The following VCAN variants were observed in gnomAD, a reference collection of about 807,000 sequenced individuals.
VCAN encodes versican core protein.
VCAN carries 44 observed loss-of-function variants against 245.5 expected under a neutral mutation model. The observed-to-expected ratio is 0.18, with a 90% confidence interval of 0.14 to 0.23. VCAN has a LOEUF of 0.23. VCAN is among the 10% of genes least tolerant of loss of function. The pLI, the probability that VCAN is intolerant of heterozygous loss-of-function variation, is 1.00. For synonymous variants in VCAN, 1,413 were observed against 1,437.0 expected (o/e 0.98, Z 0.38); for missense variants, 3,793 against 4,057.9 (o/e 0.93, Z 1.77).
At chr5:83,565,789 G>A (rs953233154) in intron 12 of VCAN, among the ~76,000 whole-genome samples, 21 of 152,006 alleles carry the variant, frequency 1.4e-4, no homozygotes, top group African/African-American at 5.1e-4. Context: ...TGATGTGCAG[G>A]GATCAGCTGG....
rs760992229 is a variant in VCAN, at chr5:83,538,213, C to T, written c.5210C>T (p.Thr1737Ile). 24 of 1,613,500 alleles carry T rather than the reference C, an allele frequency of 1.5e-5. No homozygotes were observed. The highest frequency in any genetic ancestry group is 2.0e-5 in the Non-Finnish European group (24 of 1,179,870). The part of the protein sequence containing the change: ...EEEGTTGTAS[T>I]FEVYSSTQRS... ...GAGGGAACTACAGGTACGGCTTCTA[C>T]ATTTGAGGTATATTCATCTACACAG... The change falls in exon 8 of 15, where the codon ACA becomes ATA. Residue 1737 changes from threonine (T) to isoleucine (I), a missense_variant. Physicochemically the swap from Thr to Ile is moderately conservative, Grantham distance 89. Coordinates refer to ENST00000265077, the MANE Select transcript of VCAN (RefSeq NM_004385.5).
At position 83,493,891 on chromosome 5, in the gene VCAN, G is replaced by T; in HGVS notation, c.708G>T (p.Gln236His). The change falls in exon 5 of 15, where the codon CAG (glutamine) becomes CAT (histidine). Residue 236 changes from glutamine (Q) to histidine (H), a missense_variant. Transcript: ENST00000265077. ...GGACTTATGGATTCCGTTCTCCCCA[G>T]GAAACTTACGATGTGTATTGTTATG... ...GVRTYGFRSPQETYDVYCYVD... is the reference protein window; with the variant it reads ...GVRTYGFRSPHETYDVYCYVD... The T allele has an allele frequency of 6.2e-7, 1 of 1,614,090 alleles. No homozygotes were observed. The highest frequency in any genetic ancestry group is 8.5e-7 in the Non-Finnish European group (1 of 1,179,998).
At chr5:83,514,318 C>A (rs1251148406) in intron 6 of VCAN, among the ~76,000 whole-genome samples, 2 of 151,926 alleles carry the variant, frequency 1.3e-5, no homozygotes, top group Admixed American at 1.3e-4. Flanking sequence ...TCATTTAGTG[C>A]GTAGAAGGTT....
chr5:83,499,142 C>T (rs974662920), intron 5 of VCAN, among the ~76,000 whole-genome samples: 1 of 152,172 alleles, frequency 6.6e-6, no homozygotes, highest in Non-Finnish European at 1.5e-5. Flanking sequence ...CTTCCAGGAT[C>T]CCCCTTTTGG....
rs1748697455 is a variant in VCAN, at chr5:83,582,135, T to C, written c.*1701T>C. 2.6e-5 allele frequency: 4 copies of C among 152,022 alleles called. No homozygotes were observed. Among genetic ancestry groups the C allele is most frequent in the Non-Finnish European group, 4.4e-5 (3 of 67,962 alleles). The allele number at this position is 152,022 out of a possible 1,614,324, so 9.4% of individuals were successfully genotyped here. A position where few individuals can be genotyped will look rare whatever the true frequency, so the allele number is the denominator to read the frequency against. On this transcript the variant is annotated 3_prime_UTR_variant, in exon 15 of 15. Coordinates refer to ENST00000265077, the MANE Select transcript of VCAN (RefSeq NM_004385.5). ...CTGTGTTGATCTAGTAGGTTTCTAT[T>C]TTTCCTTTCTCTTTACAATGCACAT...
chr5:83,557,994 A>G (rs1455057750), intron 12 of VCAN, among the ~76,000 whole-genome samples: 4 of 152,186 alleles, frequency 2.6e-5, no homozygotes, highest in Non-Finnish European at 5.9e-5. Flanking sequence ...GTGTAAAATA[A>G]AAGTGTGCTA....
chr5:83,571,418 A>G (rs528293515), intron 12 of VCAN, among the ~76,000 whole-genome samples: 72 of 152,318 alleles, frequency 4.7e-4, no homozygotes, highest in Admixed American at 1.1e-3. Flanking sequence ...ATTCCCTATT[A>G]TGCTGCATTG....
chr5:83,492,782 C>T (rs971234648), intron 3 of VCAN, among the ~76,000 whole-genome samples: 6 of 152,176 alleles, frequency 3.9e-5, no homozygotes, highest in African/African-American at 1.2e-4. Flanking sequence ...AGAGACCCTA[C>T]GTTATGCTGG....
rs780156477 is a variant in VCAN, at chr5:83,493,608, A to C, written c.508A>C (p.Lys170Gln). The C allele has an allele frequency of 6.2e-7, 1 of 1,614,054 alleles. No individual in the cohort carries two copies. Among genetic ancestry groups the C allele is most frequent in the South Asian group, 1.1e-5 (1 of 91,086 alleles). ...CACACTGAATTTTGAGGCTGCTCAG[A>C]AGGCTTGTTTGGACGTTGGGGCAGT... Reference protein sequence around the residue: ...RYTLNFEAAQKACLDVGAVIA... With the variant: ...RYTLNFEAAQQACLDVGAVIA... The change falls in exon 4 of 15, where the codon AAG becomes CAG. Residue 170 changes from lysine (K) to glutamine (Q), a missense_variant. Physicochemically the swap from Lys to Gln is moderately conservative, Grantham distance 53 (BLOSUM62 1). Coordinates refer to ENST00000265077, the MANE Select transcript of VCAN (RefSeq NM_004385.5).
chr5:83,521,231 T>C lies in VCAN; in HGVS notation c.2925T>C (p.Leu975=), dbSNP rs139028655. The change falls in exon 7 of 15, where the codon CTT becomes CTC. Residue 975 remains leucine (L), a synonymous_variant. Coordinates refer to ENST00000265077, the MANE Select transcript of VCAN (RefSeq NM_004385.5). ...TAGACTCTTCCCATACCATTCCTCTTTCTGTAATTCCCAAGACAGACTGGG... is the reference window on the plus strand; with the variant it reads ...TAGACTCTTCCCATACCATTCCTCTCTCTGTAATTCCCAAGACAGACTGGG... The part of the protein sequence containing the change: ...TYVDSSHTIP[L]SVIPKTDWGV... 1.1e-4 allele frequency: 175 copies of C among 1,613,992 alleles called. No homozygotes were observed. The highest frequency in any genetic ancestry group is 1.0e-3 in the East Asian group (47 of 44,872).
intron 2 of VCAN, among the ~76,000 whole-genome samples, chr5:83,486,708 T>A (rs1021059909): frequency 2.0e-5 from 3 of 152,234 alleles, no homozygotes; most frequent in African/African-American, 7.2e-5. Context: ...TTTACAACAA[T>A]AATTTTGATA....
chr5:83,483,450 G>T, intron 1 of VCAN, 63 bp from the exon 2 acceptor site: 1 of 1,356,124 alleles, frequency 7.4e-7, no homozygotes, highest in South Asian at 1.2e-5. Flanking sequence ...AAAAGCATGT[G>T]ATTTATGACC....
Position 83,522,282 on chromosome 5 carries a change from A to G in VCAN, c.3976A>G (p.Ile1326Val). Residue 1326 changes from isoleucine to valine, a missense_variant, in exon 7 of 15, where the codon ATT becomes GTT. By Grantham distance (29) the Ile-to-Val change is conservative. This residue lies in a region of VCAN where 3,182 missense variants were observed against 3,250.3 expected (regional missense o/e 0.98). Transcript: ENST00000265077. ...TKFHPDINVYIIEVRENKTGR... is the reference protein window; with the variant it reads ...TKFHPDINVYVIEVRENKTGR... Reference sequence around the variant, plus strand: ...ATTTCACCCTGACATTAATGTTTATATTATTGAGGTCAGAGAAAATAAGAC... The same window carrying G: ...ATTTCACCCTGACATTAATGTTTATGTTATTGAGGTCAGAGAAAATAAGAC... 6.9e-6 allele frequency: 11 copies of G among 1,599,226 alleles called. No individual in the cohort carries two copies. The highest frequency in any genetic ancestry group is 9.3e-6 in the Non-Finnish European group (11 of 1,179,890).
intron 12 of VCAN, among the ~76,000 whole-genome samples, chr5:83,568,015 A>G (rs1748149897): frequency 6.6e-6 from 1 of 152,202 alleles, no homozygotes; most frequent in South Asian, 2.1e-4. Context: ...ATGAGACACC[A>G]TATTGTGCAA....
chr5:83,550,850 G>T (rs1169731904), intron 10 of VCAN, among the ~76,000 whole-genome samples: 11 of 120,938 alleles, frequency 9.1e-5, no homozygotes, highest in Non-Finnish European at 1.6e-4. Flanking sequence ...TCATGCCACC[G>T]CACTCCAGCC....
intron 5 of VCAN, among the ~76,000 whole-genome samples, chr5:83,509,784 T>C (rs1745596600): frequency 6.6e-6 from 1 of 152,208 alleles, no homozygotes; most frequent in Non-Finnish European, 1.5e-5. Context: ...TGAAGGAGGC[T>C]GTTCAGGATG....
intron 12 of VCAN, among the ~76,000 whole-genome samples, chr5:83,570,634 A>G (rs1748251178): frequency 6.6e-6 from 1 of 152,250 alleles, no homozygotes; most frequent in South Asian, 2.1e-4. Flanking sequence ...AATACCTTTT[A>G]AGTTTTTTAT....
intron 7 of VCAN, among the ~76,000 whole-genome samples, chr5:83,527,798 G>A (rs1318327801): frequency 6.6e-6 from 1 of 152,062 alleles, no homozygotes; most frequent in East Asian, 1.9e-4. Context: ...AACAATAAAA[G>A]GTGTTACTTT....
At chr5:83,568,990 A>G (rs10041868) in intron 12 of VCAN, among the ~76,000 whole-genome samples, 4,253 of 152,244 alleles carry the variant, frequency 0.028, 153 homozygotes, top group African/African-American at 0.088. Flanking sequence ...GTAATAATTT[A>G]ACACTTGTTT....
Sources: allele counts gnomAD v4.1 joint callset (sites outside exome capture counted in the v4.1 genomes callset), GRCh38; gene constraint gnomAD v4.1.1; regional missense constraint gnomAD v4.1.1; transcripts MANE v1.5; gene names NCBI Gene and HGNC (gene_info 2026-07-23, HGNC 2026-07-21).